Variants in CACNB2 observed in about 807,000 individuals in gnomAD.
CACNB2 encodes voltage-dependent L-type calcium channel subunit beta-2.
Under a neutral mutation model 73.3 loss-of-function variants are expected in CACNB2, and 42 were observed. The ratio of observed to expected loss-of-function variants is 0.57; its 90% confidence interval spans 0.45 to 0.74. CACNB2 has a LOEUF of 0.74. Ranked by LOEUF, CACNB2 falls within the 30% of genes least tolerant of loss-of-function variation. CACNB2 has a pLI of 0.00. For synonymous variants in CACNB2, 348 were observed against 310.3 expected, an observed-to-expected ratio of 1.12 and a Z score of -1.28; for missense variants, 940 against 853.0, an observed-to-expected ratio of 1.10 and a Z score of -1.27.
At chr10:18,376,090 C>T (rs978150216) in intron 2 of CACNB2, among the ~76,000 whole-genome samples, 2 of 152,156 alleles carry the variant, frequency 1.3e-5, no homozygotes, top group African/African-American at 4.8e-5. Context: ...TTGGCAGCAT[C>T]TTAAATGTCC....
intron 2 of CACNB2, among the ~76,000 whole-genome samples, chr10:18,220,925 G>A (rs909392843): frequency 6.6e-6 from 1 of 152,162 alleles, no homozygotes; most frequent in African/African-American, 2.4e-5. Context: ...CAAAAAGTTT[G>A]GGGACCACTA....
chr10:18,310,297 C>T (rs2039906934), intron 2 of CACNB2, among the ~76,000 whole-genome samples: 1 of 151,982 alleles, frequency 6.6e-6, no homozygotes, highest in African/African-American at 2.4e-5. Context: ...CTAAGGAAAG[C>T]ATACAATTTA....
At chr10:18,482,875 T>G (rs1297655308) in intron 3 of CACNB2, among the ~76,000 whole-genome samples, 4 of 152,196 alleles carry the variant, frequency 2.6e-5, no homozygotes, top group African/African-American at 9.7e-5. Flanking sequence ...TATTTGTAGA[T>G]GTTCCAATGA....
intron 3 of CACNB2, among the ~76,000 whole-genome samples, chr10:18,474,391 G>T (rs1001326415): frequency 1.3e-5 from 2 of 152,130 alleles, no homozygotes; most frequent in Non-Finnish European, 2.9e-5. Context: ...TTTTGCCGAC[G>T]TTAAGGACAT....
chr10:18,240,851 G>A (rs761788459), intron 2 of CACNB2, among the ~76,000 whole-genome samples: 3 of 152,014 alleles, frequency 2.0e-5, no homozygotes, highest in African/African-American at 7.3e-5. Flanking sequence ...CCATGGCATT[G>A]GTCAGTGGCC....
intron 2 of CACNB2, among the ~76,000 whole-genome samples, chr10:18,172,857 C>T (rs2033337800): frequency 6.6e-6 from 1 of 151,020 alleles, no homozygotes; most frequent in South Asian, 2.1e-4. Context: ...TTAGTCATCA[C>T]ACATTGGGCA....
At chr10:18,482,403 G>A (rs565704322) in intron 3 of CACNB2, among the ~76,000 whole-genome samples, 9 of 152,256 alleles carry the variant, frequency 5.9e-5, no homozygotes, top group East Asian at 1.9e-4. Flanking sequence ...AGGGCCAACC[G>A]CTGCTTCTGA....
intron 2 of CACNB2, among the ~76,000 whole-genome samples, chr10:18,208,614 AAAAAT>A (rs1219042360): frequency 1.3e-5 from 2 of 152,100 alleles, no homozygotes; most frequent in Non-Finnish European, 2.9e-5. Flanking sequence ...CCTGTCTCAA[AAAAAT>A]AAAATAAAAT....
At chr10:18,141,285 C>A (rs2030371433) in intron 1 of CACNB2, 2 of 1,316,050 alleles carry the variant, frequency 1.5e-6, no homozygotes, top group Non-Finnish European at 2.1e-6. Context: ...CTCCTGGCCA[C>A]GCTCCGAGCC....
rs1335010546 is a variant in CACNB2 at position 18,456,203 on chromosome 10, G to T, written c.334-42152G>T. 2.6e-5 allele frequency among the ~76,000 whole-genome samples: 4 copies of T among 152,054 alleles called. No individual in the cohort carries two copies. The East Asian group carries it at 7.7e-4, about 29-fold the overall frequency. Reference sequence around the variant, plus strand: ...CTACTGATCTTGGCCAGGCACGGTGGCTCACACCTGTGATCCCAGCACTTT... The same window carrying T: ...CTACTGATCTTGGCCAGGCACGGTGTCTCACACCTGTGATCCCAGCACTTT... On this transcript the variant is annotated intron_variant, in intron 3 of 13. Transcript: ENST00000324631.
chr10:18,236,640 A>T (rs1340704194), intron 2 of CACNB2, among the ~76,000 whole-genome samples: 1 of 152,200 alleles, frequency 6.6e-6, no homozygotes, highest in African/African-American at 2.4e-5. Context: ...TAGACATATC[A>T]TACCAGAAGA....
chr10:18,225,389 A>G (rs2035949299), intron 2 of CACNB2, among the ~76,000 whole-genome samples: 1 of 152,160 alleles, frequency 6.6e-6, no homozygotes. Context: ...CATGATAAAT[A>G]TTAGATGCCC....
At chr10:18,220,110 A>AATATATATATATATAT (rs1165921150) in intron 2 of CACNB2, among the ~76,000 whole-genome samples, 1 of 32,746 alleles carries the variant, frequency 3.1e-5, no homozygotes. Context: ...TTTATTTTTT[A>AATATATATATATATAT]ATATATATAT....
intron 2 of CACNB2, among the ~76,000 whole-genome samples, chr10:18,167,704 T>C (rs1236501368): frequency 6.6e-6 from 1 of 152,046 alleles, no homozygotes; most frequent in East Asian, 1.9e-4. Flanking sequence ...AGGATAATAA[T>C]ACAGAATGGC....
chr10:18,326,518 C>T (rs969749031), intron 2 of CACNB2, among the ~76,000 whole-genome samples: 11 of 152,284 alleles, frequency 7.2e-5, no homozygotes, highest in Middle Eastern at 3.4e-3. Flanking sequence ...CATCAGACTT[C>T]GTCAGAACTG....
intron 6 of CACNB2, among the ~76,000 whole-genome samples, chr10:18,512,601 A>AT (rs1352892200): frequency 6.6e-6 from 1 of 152,160 alleles, no homozygotes; most frequent in East Asian, 1.9e-4. Context: ...CGGACCATGG[A>AT]TTTTAAATGA....
Position 18,140,883 on chromosome 10 carries a change from TC to T in CACNB2, c.120+29del, listed in dbSNP as rs757357895. ...TAGCGAGAGCGCGGCGCCTTCTCCTTCCTTTGTGAGCCGCCGGGCAGGGCAC... is the reference window on the plus strand; with the variant it reads ...TAGCGAGAGCGCGGCGCCTTCTCCTTCTTTGTGAGCCGCCGGGCAGGGCAC... On this transcript the variant is annotated intron_variant, in intron 1 of 13. Coordinates refer to ENST00000324631, the MANE Select transcript of CACNB2 (RefSeq NM_201596.3). 4.4e-6 allele frequency: 7 copies of T among 1,577,916 alleles called. No individual in the cohort carries two copies. The East Asian group carries it at 1.6e-4, about 36-fold the overall frequency.
chr10:18,408,312 C>T (rs2044411735), intron 3 of CACNB2, among the ~76,000 whole-genome samples: 1 of 148,324 alleles, frequency 6.7e-6, no homozygotes, highest in Non-Finnish European at 1.5e-5. Context: ...GATCTCAGCC[C>T]ACTGCAGCCT....
intron 2 of CACNB2, among the ~76,000 whole-genome samples, chr10:18,244,782 G>T (rs957042261): frequency 1.3e-5 from 2 of 152,196 alleles, no homozygotes; most frequent in Admixed American, 6.5e-5. Flanking sequence ...GTTACCTTAT[G>T]TGGCAAATAA....
Sources: allele counts gnomAD v4.1 joint callset (sites outside exome capture counted in the v4.1 genomes callset), GRCh38; gene constraint gnomAD v4.1.1; transcripts MANE v1.5; gene names NCBI Gene and HGNC (gene_info 2026-07-23, HGNC 2026-07-21).